Variants in SMYD3 observed in about 807,000 individuals in gnomAD.
SMYD3 encodes the protein histone-lysine N-methyltransferase SMYD3.
SMYD3 carries 36 observed loss-of-function variants against 57.7 expected under a neutral mutation model. The observed-to-expected ratio is 0.62, with a 90% CI of 0.48 to 0.82. The LOEUF is 0.82. Ranked by LOEUF, SMYD3 falls within the 40% of genes least tolerant of loss-of-function variation. SMYD3 has a pLI of 0.00. For synonymous variants in SMYD3, 211 were observed against 195.0 expected (o/e 1.08, Z -0.68); for missense variants, 515 against 538.8 (o/e 0.96, Z 0.44).
intron 1 of SMYD3, among the ~76,000 whole-genome samples, chr1:246,356,858 T>C (rs1157451962): frequency 2.0e-5 from 3 of 152,188 alleles, no homozygotes; most frequent in East Asian, 1.9e-4. Context: ...ATCTAAAAGT[T>C]TGGAAACATT....
intron 10 of SMYD3, among the ~76,000 whole-genome samples, chr1:245,847,540 G>T (rs1426242058): frequency 6.6e-6 from 1 of 151,994 alleles, no homozygotes; most frequent in Admixed American, 6.6e-5. Context: ...CATTTTTCAG[G>T]CCCACCTGAT....
intron 5 of SMYD3, among the ~76,000 whole-genome samples, chr1:245,950,108 A>C (rs2057576003): frequency 6.6e-6 from 1 of 152,200 alleles, no homozygotes; most frequent in African/African-American, 2.4e-5. Flanking sequence ...AGGACATATG[A>C]CTAAGAAATA....
chr1:246,346,486 A>C (rs1039276088), intron 2 of SMYD3, among the ~76,000 whole-genome samples: 1 of 147,318 alleles, frequency 6.8e-6, no homozygotes, highest in Non-Finnish European at 1.5e-5. Context: ...ATAAAGGAAG[A>C]CGTTTAATTG....
At chr1:246,185,500 G>C (rs2062621825) in intron 5 of SMYD3, among the ~76,000 whole-genome samples, 2 of 132,780 alleles carry the variant, frequency 1.5e-5, no homozygotes, top group Non-Finnish European at 1.6e-5. Context: ...TGTCGCCCAG[G>C]CTGGAGTGTG....
chr1:246,269,023 G>C (rs2064165724), intron 5 of SMYD3, among the ~76,000 whole-genome samples: 1 of 152,132 alleles, frequency 6.6e-6, no homozygotes. Flanking sequence ...AATCAGTAAA[G>C]AATAATAAGC....
intron 10 of SMYD3, among the ~76,000 whole-genome samples, chr1:245,844,246 C>T (rs200352322): frequency 2.0e-5 from 3 of 152,184 alleles, no homozygotes; most frequent in Non-Finnish European, 2.9e-5. Context: ...CATATGGCTA[C>T]AGAATTCTTC....
chr1:245,878,449 A>T (rs991290172), intron 8 of SMYD3, among the ~76,000 whole-genome samples: 16 of 152,184 alleles, frequency 1.1e-4, no homozygotes, highest in African/African-American at 2.4e-5. Flanking sequence ...CGGCTTTGGC[A>T]AGGAGGTCCC....
At chr1:246,048,708 C>T (rs1017123627) in intron 5 of SMYD3, among the ~76,000 whole-genome samples, 1 of 151,808 alleles carries the variant, frequency 6.6e-6, no homozygotes, top group South Asian at 2.1e-4. Context: ...GTTTCCTCAT[C>T]AGCAAACAGG....
At chr1:246,054,604 T>A (rs190963252) in intron 5 of SMYD3, among the ~76,000 whole-genome samples, 19 of 152,260 alleles carry the variant, frequency 1.2e-4, no homozygotes, top group Admixed American at 9.1e-4. Context: ...AACACCATTA[T>A]GCTAAGCGAA....
intron 5 of SMYD3, among the ~76,000 whole-genome samples, chr1:246,195,137 G>T (rs2062812029): frequency 1.3e-5 from 2 of 152,136 alleles, no homozygotes; most frequent in Non-Finnish European, 2.9e-5. Flanking sequence ...TAGTTGCCTG[G>T]AAATTTATTG....
intron 5 of SMYD3, among the ~76,000 whole-genome samples, chr1:246,040,677 C>T (rs767394696): frequency 6.6e-6 from 1 of 152,200 alleles, no homozygotes; most frequent in East Asian, 1.9e-4. Flanking sequence ...ATGGGGCTCC[C>T]GTATCTCCTT....
chr1:246,444,127 A>ATT (rs371124808), intron 1 of SMYD3, among the ~76,000 whole-genome samples: 7,599 of 142,746 alleles, frequency 0.053, 288 homozygotes, highest in South Asian at 0.14. Flanking sequence ...GAACCTAAGA[A>ATT]TTTTTTTTTT....
intron 1 of SMYD3, among the ~76,000 whole-genome samples, chr1:246,412,457 G>C (rs1034818665): frequency 5.9e-5 from 9 of 151,746 alleles, no homozygotes; most frequent in Non-Finnish European, 1.3e-4. Context: ...GCTAAAAATA[G>C]TTCAGCCATT....
At chr1:245,828,708 G>T (rs200619385) in intron 10 of SMYD3, among the ~76,000 whole-genome samples, 1 of 43,218 alleles carries the variant, frequency 2.3e-5, no homozygotes, top group African/African-American at 5.3e-5. Context: ...CAGTTTTTCT[G>T]ATTTTTTTTT....
intron 1 of SMYD3, among the ~76,000 whole-genome samples, chr1:246,366,248 T>G (rs968533042): frequency 1.3e-5 from 2 of 152,210 alleles, no homozygotes; most frequent in African/African-American, 4.8e-5. Flanking sequence ...TTATGTGTCA[T>G]TTAAGGTGTG....
chr1:246,346,909 A>G (rs1214709636), intron 2 of SMYD3, among the ~76,000 whole-genome samples: 1 of 152,226 alleles, frequency 6.6e-6, no homozygotes, highest in Non-Finnish European at 1.5e-5. Context: ...TATAATTAAT[A>G]TGCTAAGGAT....
chr1:245,767,632 C>T (rs891849594), intron 10 of SMYD3, among the ~76,000 whole-genome samples: 1 of 152,152 alleles, frequency 6.6e-6, no homozygotes, highest in Non-Finnish European at 1.5e-5. Flanking sequence ...TGGATGGTTG[C>T]TCTGGTGATG....
chr1:246,265,252 C>T (rs1222327136), intron 5 of SMYD3, among the ~76,000 whole-genome samples: 1 of 152,120 alleles, frequency 6.6e-6, no homozygotes, highest in Non-Finnish European at 1.5e-5. Flanking sequence ...CCCACCTCAG[C>T]CTCCCAAGTA....
chr1:246,478,886 C>T (rs113118634), intron 1 of SMYD3, among the ~76,000 whole-genome samples: 2 of 136,432 alleles, frequency 1.5e-5, no homozygotes, highest in Admixed American at 7.6e-5. Context: ...TGTCCTCCGT[C>T]CTGGAGCTGG....
Sources: allele counts gnomAD v4.1 joint callset (sites outside exome capture counted in the v4.1 genomes callset), GRCh38; gene constraint gnomAD v4.1.1; transcripts MANE v1.5; gene names NCBI Gene and HGNC (gene_info 2026-07-23, HGNC 2026-07-21).